PRMT8: variants seen among roughly 807,000 people sequenced by gnomAD.
PRMT8 encodes protein arginine methyltransferase 8.
In PRMT8, 7 loss-of-function variants were observed where a neutral mutation model predicts 47.1. The observed-to-expected ratio is 0.15, with a 90% CI of 0.08 to 0.28. PRMT8 has a LOEUF of 0.28. Among genes scored for constraint, PRMT8 ranks in the 10% least tolerant of loss-of-function variants. The pLI, the probability that PRMT8 is intolerant of heterozygous loss-of-function variation, is 1.00. For missense variants in PRMT8, 237 were observed against 505.4 expected (o/e 0.47, Z 5.09); for synonymous variants, 188 against 186.5 (o/e 1.01, Z -0.07).
chr12:3,554,701 A>C (rs1030715888), intron 4 of PRMT8, among the ~76,000 whole-genome samples: 3 of 152,098 alleles, frequency 2.0e-5, no homozygotes, highest in Non-Finnish European at 4.4e-5. Flanking sequence ...CCAGGTTGGG[A>C]AGGAATCTGA....
At chr12:3,591,187 A>G (rs759634651) in intron 8 of PRMT8, among the ~76,000 whole-genome samples, 49 of 151,992 alleles carry the variant, frequency 3.2e-4, no homozygotes, top group Non-Finnish European at 6.8e-4. Flanking sequence ...GAGGGGAGGG[A>G]AGAGACTCAA....
At chr12:3,573,723 A>G (rs1455566536) in intron 6 of PRMT8, among the ~76,000 whole-genome samples, 6 of 152,178 alleles carry the variant, frequency 3.9e-5, no homozygotes, top group African/African-American at 1.2e-4. Flanking sequence ...ACATTATGCC[A>G]TAGTATAGTC....
At chr12:3,528,140 T>C (rs1865974330) in intron 1 of PRMT8, among the ~76,000 whole-genome samples, 1 of 152,154 alleles carries the variant, frequency 6.6e-6, no homozygotes, top group South Asian at 2.1e-4. Context: ...GTTTTTTTAC[T>C]CCCTCACGAT....
chr12:3,430,882 C>A (rs1864668700), intron 1 of PRMT8, among the ~76,000 whole-genome samples: 1 of 152,172 alleles, frequency 6.6e-6, no homozygotes, highest in Admixed American at 6.5e-5. Flanking sequence ...GGGGGACAAT[C>A]TAATACAGCA....
chr12:3,508,064 C>T lies in PRMT8; in HGVS notation c.75+16364C>T, dbSNP rs1865657248. ...TATAAATCCCATTTTATAGGCTGGCCATGAGGATTACATTTGATAATGGGA... is the reference window on the plus strand; with the variant it reads ...TATAAATCCCATTTTATAGGCTGGCTATGAGGATTACATTTGATAATGGGA... On this transcript the variant is annotated intron_variant, in intron 1 of 9. Coordinates refer to ENST00000382622, the MANE Select transcript of PRMT8 (RefSeq NM_019854.5). This position sits in a 1 kb window ranked among gnomAD's most constrained non-coding sequence, Gnocchi z 4.9. Among the ~76,000 whole-genome samples, 1 of 152,100 alleles carries T rather than the reference C, an allele frequency of 6.6e-6. No homozygotes were observed.
At chr12:3,411,166 A>G (rs1864425939) in intron 1 of PRMT8, among the ~76,000 whole-genome samples, 1 of 152,208 alleles carries the variant, frequency 6.6e-6, no homozygotes, top group Non-Finnish European at 1.5e-5. Flanking sequence ...CCTCCCTGGC[A>G]GAACCTGCCC....
rs1337036475 is a variant in PRMT8, at chr12:3,557,165, G to T, written c.481+3451G>T. The stretch of plus-strand genomic sequence containing the variant: ...TGAGGATTGCTGCGATGTGTCTGAT[G>T]CCTGTAGAGATGTGTGACCATAGAG... On this transcript the variant is annotated intron_variant, in intron 4 of 9. Coordinates refer to ENST00000382622, the MANE Select transcript of PRMT8 (RefSeq NM_019854.5). The surrounding 1 kb of genome is among the most constrained non-coding windows in gnomAD (Gnocchi z 4.7). Among the ~76,000 whole-genome samples the T allele has an allele frequency of 1.3e-5, 2 of 152,170 alleles. No individual in the cohort carries two copies. Among genetic ancestry groups the T allele is most frequent in the Admixed American group, 1.3e-4 (2 of 15,282 alleles).
chr12:3,494,732 C>T (rs1055508381), intron 1 of PRMT8, among the ~76,000 whole-genome samples: 1 of 152,084 alleles, frequency 6.6e-6, no homozygotes, highest in Non-Finnish European at 1.5e-5. Flanking sequence ...CTCCACAAAG[C>T]GAAGTACCCA....
At chr12:3,416,076 A>G (rs1028361071) in intron 1 of PRMT8, among the ~76,000 whole-genome samples, 3 of 152,180 alleles carry the variant, frequency 2.0e-5, no homozygotes, top group African/African-American at 7.2e-5. Context: ...CAGGGATGGC[A>G]GTGTCTATGA....
At chr12:3,582,598 C>G (rs142983628) in intron 7 of PRMT8, among the ~76,000 whole-genome samples, 2 of 152,284 alleles carry the variant, frequency 1.3e-5, no homozygotes, top group East Asian at 1.9e-4. Context: ...CTGTTTTGGT[C>G]CAGCAGGTCT....
rs1349116011 is a variant in PRMT8, at chr12:3,557,263, G to C, written c.481+3549G>C. Among the ~76,000 whole-genome samples the C allele has an allele frequency of 6.6e-6, 1 of 152,188 alleles. No homozygotes were observed. ...TCTCAGGAGCTCGAGTGCGATTGGA[G>C]TAGAAGGTTGCCGGGATCAGGGCTT... On this transcript the variant is annotated intron_variant, in intron 4 of 9. Coordinates refer to ENST00000382622, the MANE Select transcript of PRMT8 (RefSeq NM_019854.5). This position sits in a 1 kb window ranked among gnomAD's most constrained non-coding sequence, Gnocchi z 4.7.
intron 1 of PRMT8, among the ~76,000 whole-genome samples, chr12:3,430,402 A>G (rs971991217): frequency 4.6e-5 from 7 of 152,210 alleles, no homozygotes; most frequent in African/African-American, 1.7e-4. Context: ...GAAATTGGGC[A>G]TAAGACAATA....
chr12:3,540,802 C>A lies in PRMT8; in HGVS notation c.261+11C>A. The A allele has an allele frequency of 6.2e-7, 1 of 1,611,594 alleles. No homozygotes were observed. The highest frequency in any genetic ancestry group is 8.5e-7 in the Non-Finnish European group (1 of 1,178,592). Reference sequence around the variant, plus strand: ...TTTGGGATCCACGAGGTAAAGTGTCCCGAGTGGGTGGCTAATGGGGCGAGG... The same window carrying A: ...TTTGGGATCCACGAGGTAAAGTGTCACGAGTGGGTGGCTAATGGGGCGAGG... On this transcript the variant is annotated intron_variant, in intron 2 of 9. Coordinates refer to ENST00000382622, the MANE Select transcript of PRMT8 (RefSeq NM_019854.5).
Position 3,428,411 on chromosome 12 carries a change from G to A in PRMT8, c.48+46969G>A, listed in dbSNP as rs1017591767. ...GTTATTTTTCTACTTTCTTCCGTTA[G>A]TGTAGCAGTTGCTTCTACAGACTGA... is the stretch of plus-strand genomic sequence containing the variant. On this transcript the variant is annotated intron_variant, in intron 1 of 9. Transcript: ENST00000452611. Among the ~76,000 whole-genome samples, 3 of 152,056 alleles carry A rather than the reference G, an allele frequency of 2.0e-5. No homozygotes were observed. In the South Asian group the frequency reaches 6.2e-4, roughly 32 times the overall value.
At chr12:3,542,582 AAG>A (rs1250477469) in intron 2 of PRMT8, among the ~76,000 whole-genome samples, 1 of 152,196 alleles carries the variant, frequency 6.6e-6, no homozygotes, top group African/African-American at 2.4e-5. Context: ...TTCTTGGGAA[AAG>A]AGAGCAGTTC....
At chr12:3,574,951 A>G (rs905826518) in intron 6 of PRMT8, among the ~76,000 whole-genome samples, 5 of 152,228 alleles carry the variant, frequency 3.3e-5, no homozygotes, top group African/African-American at 4.8e-5. Flanking sequence ...TGTACGTTTT[A>G]TCTGGGGAGA....
At chr12:3,406,259 C>G (rs561354461) in intron 1 of PRMT8, among the ~76,000 whole-genome samples, 1 of 152,342 alleles carries the variant, frequency 6.6e-6, no homozygotes, top group African/African-American at 2.4e-5. Context: ...GGGCCCTGAA[C>G]TTGGCCCACA....
intron 1 of PRMT8, among the ~76,000 whole-genome samples, chr12:3,522,079 A>G (rs1865887759): frequency 6.6e-6 from 1 of 152,130 alleles, no homozygotes; most frequent in African/African-American, 2.4e-5. Flanking sequence ...TAGAAACTAA[A>G]ATGCCTTTGA....
intron 2 of PRMT8, among the ~76,000 whole-genome samples, chr12:3,549,230 G>A (rs1224962181): frequency 6.6e-6 from 1 of 152,156 alleles, no homozygotes; most frequent in Non-Finnish European, 1.5e-5. Flanking sequence ...CCCTTTTACT[G>A]AACCAGAAGC....
Sources: allele counts gnomAD v4.1 joint callset (sites outside exome capture counted in the v4.1 genomes callset), GRCh38; gene constraint gnomAD v4.1.1; non-coding constraint Gnocchi (gnomAD v3.1); transcripts MANE v1.5; gene names NCBI Gene and HGNC (gene_info 2026-07-23, HGNC 2026-07-21).